SLC9B2: variants seen among roughly 807,000 people sequenced by gnomAD.
SLC9B2 encodes the protein solute carrier family 9 member B2.
In SLC9B2, 39 loss-of-function variants were observed where a neutral mutation model predicts 52.2. That is an observed-to-expected ratio of 0.75 (90% confidence interval 0.58 to 0.98). SLC9B2 has a LOEUF of 0.98. SLC9B2 is among the 50% of genes least tolerant of loss of function. The pLI, the probability that SLC9B2 is intolerant of heterozygous loss-of-function variation, is 0.00. For missense variants in SLC9B2, 626 were observed against 637.5 expected (o/e 0.98, Z 0.19); for synonymous variants, 214 against 227.0 (o/e 0.94, Z 0.51).
At chr4:103,029,416 T>C (rs184206306) in intron 10 of SLC9B2, among the ~76,000 whole-genome samples, 42 of 152,128 alleles carry the variant, frequency 2.8e-4, no homozygotes, top group Admixed American at 6.5e-4. Context: ...CTTTACAGGG[T>C]ATAAGACCAG....
intron 10 of SLC9B2, among the ~76,000 whole-genome samples, chr4:103,029,400 A>G (rs1392753583): frequency 6.6e-6 from 1 of 152,146 alleles, no homozygotes; most frequent in Non-Finnish European, 1.5e-5. Context: ...CAAAAAGTCA[A>G]TAATTCTTTA....
intron 6 of SLC9B2, among the ~76,000 whole-genome samples, chr4:103,048,260 A>G (rs1744351380): frequency 1.3e-5 from 2 of 152,204 alleles, no homozygotes; most frequent in Non-Finnish European, 2.9e-5. Flanking sequence ...TAAAATAGAC[A>G]AAATCTATCT....
chr4:103,075,503 T>C (rs1747040145), intron 1 of SLC9B2, among the ~76,000 whole-genome samples: 1 of 152,170 alleles, frequency 6.6e-6, no homozygotes, highest in Admixed American at 6.5e-5. Flanking sequence ...CAGAGACTGA[T>C]ATGTGTTTAC....
chr4:103,062,173 C>T (rs956929471), intron 3 of SLC9B2, among the ~76,000 whole-genome samples: 12 of 152,316 alleles, frequency 7.9e-5, no homozygotes, highest in East Asian at 7.7e-4. Context: ...GTAATCCCAG[C>T]GCTTTGGGAG....
At chr4:103,046,965 A>C (rs1185860835) in intron 7 of SLC9B2, 86 bp downstream of exon 7, 3 of 1,462,556 alleles carry the variant, frequency 2.1e-6, no homozygotes, top group Non-Finnish European at 2.8e-6. Flanking sequence ...TTAATCAATT[A>C]TCAAGCAAAT....
chr4:103,034,184 T>C (rs1410428242), intron 9 of SLC9B2, among the ~76,000 whole-genome samples: 1 of 152,078 alleles, frequency 6.6e-6, no homozygotes, highest in Non-Finnish European at 1.5e-5. Flanking sequence ...TCGATAAAGC[T>C]GACAAAAACA....
intron 5 of SLC9B2, among the ~76,000 whole-genome samples, chr4:103,050,023 A>AG (rs1212566000): frequency 1.3e-5 from 2 of 152,174 alleles, no homozygotes; most frequent in East Asian, 1.9e-4. Flanking sequence ...AAAAAAAAAA[A>AG]AAAAGGAAGA....
In SLC9B2 at chr4:103,023,935, G is replaced by A. The variant is rs1741987318; in HGVS notation, c.*2435C>T. ...TGGAGAAAATGCCACTGATGACCTG[G>A]GAAACAGCATGAAGTGTAACACTTT... is the stretch of plus-strand genomic sequence containing the variant. On this transcript the variant is annotated 3_prime_UTR_variant, in exon 12 of 12. Coordinates refer to ENST00000394785, the MANE Select transcript of SLC9B2 (RefSeq NM_178833.7). 6.6e-6 allele frequency among the ~76,000 whole-genome samples: 1 copy of A among 152,116 alleles called. No homozygotes were observed. The highest frequency in any genetic ancestry group is 2.4e-5 in the African/African-American group (1 of 41,438).
intron 8 of SLC9B2, 62 bp downstream of exon 8, chr4:103,044,828 T>A: frequency 7.6e-7 from 1 of 1,310,822 alleles, no homozygotes; most frequent in Non-Finnish European, 1.1e-6. Flanking sequence ...GAAGGAAGTG[T>A]TCTAGAATGT....
At chr4:103,065,224 T>G (rs144891146) in intron 3 of SLC9B2, among the ~76,000 whole-genome samples, 1 of 151,110 alleles carries the variant, frequency 6.6e-6, no homozygotes, top group Non-Finnish European at 1.5e-5. Context: ...CTCAAGTATA[T>G]TGGGTGATAT....
intron 4 of SLC9B2, among the ~76,000 whole-genome samples, chr4:103,054,107 G>A (rs747087645): frequency 6.6e-6 from 1 of 151,948 alleles, no homozygotes; most frequent in East Asian, 1.9e-4. Flanking sequence ...GTGAGACCCT[G>A]TCTCTGCAAA....
intron 9 of SLC9B2, among the ~76,000 whole-genome samples, chr4:103,040,631 T>C (rs1743551987): frequency 6.6e-6 from 1 of 151,928 alleles, no homozygotes; most frequent in South Asian, 2.1e-4. Flanking sequence ...AGATGGATAA[T>C]CAACACACAT....
In SLC9B2 at chr4:103,057,953, A is replaced by G. The variant is rs369027637; in HGVS notation, c.290T>C (p.Leu97Pro). 34 of 1,610,956 alleles carry G rather than the reference A, an allele frequency of 2.1e-5. No homozygotes were observed. In the African/African-American group the frequency reaches 4.3e-4, roughly 20 times the overall value. ...VITNVTIIVL[L>P]WAVVWSITGS... Reference sequence around the variant, plus strand: ...AGTAATTGACCAAACTACAGCCCACAGAAGAACAATGATGGTAACTGAAAT... The same window carrying G: ...AGTAATTGACCAAACTACAGCCCACGGAAGAACAATGATGGTAACTGAAAT... Residue 97 changes from leucine to proline, a missense_variant, in exon 4 of 12, where the codon CTG (leucine) becomes CCG (proline). Transcript: ENST00000394785.
intron 11 of SLC9B2, 145 bp from the exon 12 acceptor site, chr4:103,026,736 T>G: frequency 1.5e-6 from 1 of 674,674 alleles, no homozygotes; most frequent in South Asian, 2.2e-5. Context: ...TACCTAATGC[T>G]AAATGACGAG....
chr4:103,030,165 C>A (rs2110575386), intron 10 of SLC9B2, among the ~76,000 whole-genome samples: 1 of 152,162 alleles, frequency 6.6e-6, no homozygotes, highest in South Asian at 2.1e-4. Flanking sequence ...GCTGTCCAAT[C>A]AACAATTGGA....
chr4:103,044,709 T>C (rs979036925), intron 8 of SLC9B2, among the ~76,000 whole-genome samples, 181 bp downstream of exon 8: 1 of 152,246 alleles, frequency 6.6e-6, no homozygotes, highest in African/African-American at 2.4e-5. Context: ...ATTACAGGAC[T>C]GCATTAAAAT....
chr4:103,035,168 G>A (rs556889131), intron 9 of SLC9B2, among the ~76,000 whole-genome samples: 30 of 151,996 alleles, frequency 2.0e-4, no homozygotes, highest in Non-Finnish European at 4.0e-4. Context: ...CCCAGTGTGT[G>A]TTGTTCTCCT....
At chr4:103,051,266 A>G (rs980335647) in intron 4 of SLC9B2, among the ~76,000 whole-genome samples, 1 of 152,202 alleles carries the variant, frequency 6.6e-6, no homozygotes, top group Non-Finnish European at 1.5e-5. Flanking sequence ...TTGATACCAC[A>G]TGCCCACACA....
intron 9 of SLC9B2, among the ~76,000 whole-genome samples, chr4:103,037,792 C>T (rs746555441): frequency 7.2e-5 from 11 of 152,160 alleles, no homozygotes; most frequent in South Asian, 4.2e-4. Context: ...ATCCAGTTAA[C>T]ATCCTTCCAC....
Sources: gnomAD v4.1 joint callset for allele counts (sites outside exome capture counted in the v4.1 genomes callset) on GRCh38, gnomAD v4.1.1 for gene constraint, MANE v1.5 for transcripts, NCBI Gene and HGNC (gene_info 2026-07-23, HGNC 2026-07-21) for gene names.